KMT2B: variants seen among roughly 807,000 people sequenced by gnomAD.
The protein encoded by KMT2B is lysine methyltransferase 2B, also known as histone-lysine N-methyltransferase 2B.
In KMT2B, 22 loss-of-function variants were observed where a neutral mutation model predicts 255.3. The observed-to-expected ratio is 0.09, with a 90% confidence interval of 0.06 to 0.12. The LOEUF is 0.12. Among genes scored for constraint, KMT2B ranks in the 10% least tolerant of loss-of-function variants. KMT2B has a pLI of 1.00. For synonymous variants in KMT2B, 1,730 were observed against 1,498.1 expected (o/e 1.15, Z -3.57); for missense variants, 3,149 against 3,737.0 (o/e 0.84, Z 4.10).
intron 8 of KMT2B, 103 bp from the exon 9 acceptor site, chr19:35,724,534 G>T: frequency 2.1e-6 from 2 of 944,178 alleles, no homozygotes; most frequent in Non-Finnish European, 1.7e-6. Context: ...GGCGGGTCTT[G>T]GTTAGTTAAA....
chr19:35,733,303 G>GGCCCCCC lies in KMT2B; in HGVS notation c.6754_6755insGCCCCCC (p.Ala2252GlyfsTer53). Reference sequence around the variant, plus strand: ...GCCCGTGGTCGGAGTGGTCCGCCCTGCCCCGCCCCCGCCACCCCCTCCCCT... The same window carrying GGCCCCCC: ...GCCCGTGGTCGGAGTGGTCCGCCCTGGCCCCCCCCCCGCCCCCGCCACCCCCTCCCCT... On this transcript the variant is annotated frameshift_variant, in exon 28 of 37. Transcript: ENST00000420124. LOFTEE classifies it high-confidence loss of function. The surrounding 1 kb of genome is among the most constrained non-coding windows in gnomAD (Gnocchi z 4.3). The GGCCCCCC allele has an allele frequency of 8.7e-5, 117 of 1,340,002 alleles. No homozygotes were observed. Among genetic ancestry groups the GGCCCCCC allele is most frequent in the Non-Finnish European group, 1.1e-4 (101 of 961,176 alleles). 83.0% of individuals were successfully genotyped at this position (1,340,002 alleles called of 1,614,324 possible).
chr19:35,732,436 C>T lies in KMT2B; in HGVS notation c.5887C>T (p.Pro1963Ser). Residue 1963 changes from proline to serine, a missense_variant, in exon 28 of 37, where the codon CCG becomes TCG. Pro to Ser is a moderately conservative substitution (Grantham distance 74). Transcript: ENST00000420124. ...CTCAGGGGAGCTGGCTCCCCCTGGC[C>T]CGGCCCCATCTCCACCACCCCCTGA... The part of the protein sequence containing the change: ...PTSGELAPPG[P>S]APSPPPPEDL... 6.2e-7 allele frequency: 1 copy of T among 1,613,836 alleles called. No individual in the cohort carries two copies. The highest frequency in any genetic ancestry group is 1.7e-5 in the Admixed American group (1 of 60,014).
At chr19:35,735,966 T>TA (rs1173240043) in intron 30 of KMT2B, 3 of 152,460 alleles carry the variant, frequency 2.0e-5, no homozygotes, top group African/African-American at 7.2e-5. Context: ...TGTGAGCCTA[T>TA]ATAATAATAT....
Position 35,727,422 on chromosome 19 carries a change from C to A in KMT2B, c.4118-16C>A. 1 of 1,613,178 alleles carries A rather than the reference C, an allele frequency of 6.2e-7. No homozygotes were observed. On this transcript the variant is annotated splice_polypyrimidine_tract_variant and intron_variant, in intron 15 of 36. Coordinates refer to ENST00000420124, the MANE Select transcript of KMT2B (RefSeq NM_014727.3). This position sits in a 1 kb window ranked among gnomAD's most constrained non-coding sequence, Gnocchi z 4.2. ...CCTCTGAAACCACTTTTCCCTTTCC[C>A]ACTTGGCTATCCTAGATGAAGACTA...
In KMT2B at chr19:35,721,643, C is replaced by A; in HGVS notation, c.2296C>A (p.Pro766Thr). The A allele has an allele frequency of 1.2e-6, 2 of 1,613,572 alleles. No homozygotes were observed. Among genetic ancestry groups the A allele is most frequent in the Non-Finnish European group, 1.7e-6 (2 of 1,179,736 alleles). ...PQPQLQPPPSPQQMPPLEKAR... is the reference protein window; with the variant it reads ...PQPQLQPPPSTQQMPPLEKAR... ...GCCACAGCTGCAGCCACCGCCGTCA[C>A]CACAGCAGATGCCTCCCCTGGAAAA... The change falls in exon 3 of 37, where the codon CCA becomes ACA. Residue 766 changes from proline (P) to threonine (T), a missense_variant. Coordinates refer to ENST00000420124, the MANE Select transcript of KMT2B (RefSeq NM_014727.3).
chr19:35,721,710 T>C lies in KMT2B; in HGVS notation c.2363T>C (p.Val788Ala). The C allele has an allele frequency of 6.2e-7, 1 of 1,610,308 alleles. No homozygotes were observed. The highest frequency in any genetic ancestry group is 2.2e-5 in the East Asian group (1 of 44,688). Reference protein sequence around the residue: ...AGVGSLPLSGVEEKMFSLLKR... With the variant: ...AGVGSLPLSGAEEKMFSLLKR... The stretch of plus-strand genomic sequence containing the variant: ...GTGGGTTCCTTGCCGCTGTCTGGGG[T>C]AGAGGAGAAGATGTTCAGCCTCCTC... The change falls in exon 3 of 37, where the codon GTA becomes GCA. Residue 788 changes from valine to alanine, a missense_variant. Val to Ala is a moderately conservative substitution (Grantham distance 64). Around this residue, in one of 18 missense-constraint regions of KMT2B, gnomAD observed 1,188 missense variants for 1,106.4 expected, o/e 1.07. Transcript: ENST00000420124.
chr19:35,730,956 C>G (rs1448404720), intron 26 of KMT2B, 89 bp downstream of exon 26: 1 of 1,393,976 alleles, frequency 7.2e-7, no homozygotes, highest in Non-Finnish European at 9.5e-7. Context: ...TTGGAAAGTC[C>G]AGGAGGCTTG....
In KMT2B at chr19:35,727,960, G is replaced by T; in HGVS notation, c.4472G>T (p.Gly1491Val). 6.3e-7 allele frequency: 1 copy of T among 1,578,612 alleles called. No individual in the cohort carries two copies. Among genetic ancestry groups the T allele is most frequent in the Non-Finnish European group, 8.6e-7 (1 of 1,160,542 alleles). The change falls in exon 18 of 37, where the codon GGC (glycine) becomes GTC (valine). Residue 1491 changes from glycine to valine, a missense_variant. Physicochemically the swap from Gly to Val is moderately radical, Grantham distance 109. Coordinates refer to ENST00000420124, the MANE Select transcript of KMT2B (RefSeq NM_014727.3). This position sits in a 1 kb window ranked among gnomAD's most constrained non-coding sequence, Gnocchi z 4.2. ...EGETPDRRAGGQMKGLLLKLL... is the reference protein window; with the variant it reads ...EGETPDRRAGVQMKGLLLKLL... ...GAGACCCCGGACCGCCGGGCTGGAG[G>T]CCAGATGAAGGGGCTCCTGCTGAAG...
At position 35,720,311 on chromosome 19, in the gene KMT2B, G is replaced by A; in HGVS notation, c.964G>A (p.Gly322Arg). 1 of 1,613,158 alleles carries A rather than the reference G, an allele frequency of 6.2e-7. No homozygotes were observed. Among genetic ancestry groups the A allele is most frequent in the Non-Finnish European group, 8.5e-7 (1 of 1,179,628 alleles). Residue 322 changes from glycine (G) to arginine (R), a missense_variant, in exon 3 of 37, where the codon GGA becomes AGA. Gly to Arg is a moderately radical substitution (Grantham distance 125, BLOSUM62 -2). Around this residue, in one of 18 missense-constraint regions of KMT2B, gnomAD observed 1,188 missense variants for 1,106.4 expected, o/e 1.07. Coordinates refer to ENST00000420124, the MANE Select transcript of KMT2B (RefSeq NM_014727.3). ...KKVKMGQLSL[G>R]LESGQGQGQH... The stretch of plus-strand genomic sequence containing the variant: ...AGTAAAGATGGGACAATTGTCCTTG[G>A]GACTCGAATCAGGTCAAGGTCAAGG...
At position 35,732,648 on chromosome 19, in the gene KMT2B, C is replaced by T. The variant is rs972189316; in HGVS notation, c.6099C>T (p.Arg2033=). The change falls in exon 28 of 37, where the codon CGC becomes CGT. Residue 2033 remains arginine (R), a synonymous_variant. Coordinates refer to ENST00000420124, the MANE Select transcript of KMT2B (RefSeq NM_014727.3). ...AGGAGGAGTCCAGCCCCACCTCCCGCTACATCCACTTCCCTGTGACTGTGG... is the reference window on the plus strand; with the variant it reads ...AGGAGGAGTCCAGCCCCACCTCCCGTTACATCCACTTCCCTGTGACTGTGG... ...SSEEESSPTS[R]YIHFPVTVVS... is the part of the protein sequence containing the mutation. The T allele has an allele frequency of 3.7e-6, 6 of 1,610,512 alleles. No homozygotes were observed. In the East Asian group the frequency reaches 8.9e-5, roughly 24 times the overall value.
rs1599669602 is a variant in KMT2B at position 35,720,477 on chromosome 19, A to C, written c.1130A>C (p.Glu377Ala). The C allele has an allele frequency of 6.4e-7, 1 of 1,551,560 alleles. No homozygotes were observed. The highest frequency in any genetic ancestry group is 2.4e-5 in the East Asian group (1 of 40,922). Residue 377 changes from glutamate (E) to alanine (A), a missense_variant, in exon 3 of 37, where the codon GAG becomes GCG. This residue lies in a region of KMT2B where 1,188 missense variants were observed against 1,106.4 expected (regional missense o/e 1.07). Coordinates refer to ENST00000420124, the MANE Select transcript of KMT2B (RefSeq NM_014727.3). ...AAAGAAGAAGAAGAAAAAGACAAGG[A>C]GGGAGAAGAGAAGGAAGAAAGAGCT... is the stretch of plus-strand genomic sequence containing the variant. Reference protein sequence around the residue: ...EKKEEEEKDKEGEEKEERAVA... With the variant: ...EKKEEEEKDKAGEEKEERAVA...
intron 30 of KMT2B, among the ~76,000 whole-genome samples, chr19:35,735,006 C>T (rs988651208): frequency 4.6e-5 from 7 of 152,142 alleles, no homozygotes; most frequent in African/African-American, 1.7e-4. Context: ...GTGCGGGACA[C>T]AGACATGTTA....
Position 35,737,198 on chromosome 19 carries a change from G to T in KMT2B, c.7485G>T (p.Gln2495His). ...CQHYKFRYHQ[Q>H]GEGQEEPPLN... Reference sequence around the variant, plus strand: ...ACTATAAGTTCCGTTACCACCAGCAGGGAGAGGGCCAGGAGGAGCCGCCCC... The same window carrying T: ...ACTATAAGTTCCGTTACCACCAGCATGGAGAGGGCCAGGAGGAGCCGCCCC... The change falls in exon 33 of 37, where the codon CAG (glutamine) becomes CAT (histidine). Residue 2495 changes from glutamine to histidine, a missense_variant. Around this residue, in one of 18 missense-constraint regions of KMT2B, gnomAD observed 103 missense variants for 200.7 expected, o/e 0.51. Transcript: ENST00000420124. The surrounding 1 kb of genome is among the most constrained non-coding windows in gnomAD (Gnocchi z 5.3). 2 of 1,596,728 alleles carry T rather than the reference G, an allele frequency of 1.3e-6. No homozygotes were observed. The highest frequency in any genetic ancestry group is 1.7e-6 in the Non-Finnish European group (2 of 1,171,954).
rs777155217 is a variant in KMT2B at position 35,736,809 on chromosome 19, G to A, written c.7279G>A (p.Glu2427Lys). The part of the protein sequence containing the change: ...EISSEDGFSV[E>K]AESLEGAWRT... ...CAGCAGTGAGGATGGGTTCAGCGTT[G>A]AGGCAGAGAGCTTGGAGGGTGAGTG... Residue 2427 changes from glutamate to lysine, a missense_variant, in exon 31 of 37, where the codon GAG becomes AAG. Around this residue, in one of 18 missense-constraint regions of KMT2B, gnomAD observed 103 missense variants for 200.7 expected, o/e 0.51. Transcript: ENST00000420124. 3 of 1,614,030 alleles carry A rather than the reference G, an allele frequency of 1.9e-6. No individual in the cohort carries two copies. The highest frequency in any genetic ancestry group is 2.5e-6 in the Non-Finnish European group (3 of 1,179,888).
chr19:35,721,554 A>C lies in KMT2B; in HGVS notation c.2207A>C (p.Gln736Pro), dbSNP rs1378231572. Residue 736 changes from glutamine to proline, a missense_variant, in exon 3 of 37, where the codon CAG (glutamine) becomes CCG (proline). Around this residue, in one of 18 missense-constraint regions of KMT2B, gnomAD observed 1,188 missense variants for 1,106.4 expected, o/e 1.07. Transcript: ENST00000420124. ...ALSNGPQTQA[Q>P]LLQPLQALQT... ...AGCAACGGGCCACAGACACAGGCTC[A>C]GCTACTGCAGCCCCTGCAGGCCTTG... 1 of 1,611,674 alleles carries C rather than the reference A, an allele frequency of 6.2e-7. No individual in the cohort carries two copies. The highest frequency in any genetic ancestry group is 1.7e-5 in the Admixed American group (1 of 60,020).
chr19:35,733,623 C>T lies in KMT2B; in HGVS notation c.6986C>T (p.Pro2329Leu), dbSNP rs1421783457. The T allele has an allele frequency of 6.3e-7, 1 of 1,591,174 alleles. No homozygotes were observed. Among genetic ancestry groups the T allele is most frequent in the African/African-American group, 1.3e-5 (1 of 74,582 alleles). ...TTTAGCCGTGTGAGGATGAAAACCC[C>T]CACAGTGCGTGGGGTCCTTGACCTG... ...GGFSRVRMKT[P>L]TVRGVLDLDR... Residue 2329 changes from proline to leucine, a missense_variant, in exon 29 of 37, where the codon CCC becomes CTC. By Grantham distance (98) the Pro-to-Leu change is moderately conservative. Transcript: ENST00000420124. The surrounding 1 kb of genome is among the most constrained non-coding windows in gnomAD (Gnocchi z 4.3).
chr19:35,732,613 G>C lies in KMT2B; in HGVS notation c.6064G>C (p.Asp2022His). 3 of 1,612,486 alleles carry C rather than the reference G, an allele frequency of 1.9e-6. No homozygotes were observed. Among genetic ancestry groups the C allele is most frequent in the Non-Finnish European group, 2.5e-6 (3 of 1,179,442 alleles). The change falls in exon 28 of 37, where the codon GAC (aspartate) becomes CAC (histidine). Residue 2022 changes from aspartate (D) to histidine (H), a missense_variant. Physicochemically the swap from Asp to His is moderately conservative, Grantham distance 81. Around this residue, in one of 18 missense-constraint regions of KMT2B, gnomAD observed 897 missense variants for 825.3 expected, o/e 1.09. Coordinates refer to ENST00000420124, the MANE Select transcript of KMT2B (RefSeq NM_014727.3). ...AMGSSHGGPG[D>H]SSEEESSPTS... ...GGGGAGCAGCCACGGGGGCCCGGGGGACAGCTCCGAGGAGGAGTCCAGCCC... is the reference window on the plus strand; with the variant it reads ...GGGGAGCAGCCACGGGGGCCCGGGGCACAGCTCCGAGGAGGAGTCCAGCCC...
Position 35,730,272 on chromosome 19 carries a change from T to C in KMT2B, c.5077-70T>C, listed in dbSNP as rs879116747. 7 of 1,602,864 alleles carry C rather than the reference T, an allele frequency of 4.4e-6. No homozygotes were observed. The South Asian group carries it at 6.6e-5, about 15-fold the overall frequency. On this transcript the variant is annotated intron_variant, in intron 23 of 36. Coordinates refer to ENST00000420124, the MANE Select transcript of KMT2B (RefSeq NM_014727.3). ...GAGGCCTTTAGGCCAAGCCCCTGAC[T>C]GTTCAGACTTCCCTGGCATCCACCT...
rs777040543 is a variant in KMT2B, at chr19:35,718,340, G to T, written c.322G>T (p.Val108Leu). 1.6e-6 allele frequency: 2 copies of T among 1,259,648 alleles called. No individual in the cohort carries two copies. Among genetic ancestry groups the T allele is most frequent in the African/African-American group, 3.1e-5 (2 of 65,010 alleles). 78.0% of individuals were successfully genotyped at this position (1,259,648 alleles called of 1,614,324 possible). A position where few individuals can be genotyped will look rare whatever the true frequency, so the allele number is the denominator to read the frequency against. ...GRGWGPSRGC[V>L]PEEESSDGES... ...GGGCTGGGGCCCGAGTCGAGGCTGC[G>T]TGCCGGAGGAGGAGAGCAGTGACGG... is the stretch of plus-strand genomic sequence containing the variant. Residue 108 changes from valine (V) to leucine (L), a missense_variant, in exon 1 of 37, where the codon GTG becomes TTG. Physicochemically the swap from Val to Leu is conservative, Grantham distance 32 (BLOSUM62 1). Coordinates refer to ENST00000420124, the MANE Select transcript of KMT2B (RefSeq NM_014727.3). The surrounding 1 kb of genome is among the most constrained non-coding windows in gnomAD (Gnocchi z 5.0).
Sources: allele counts gnomAD v4.1 joint callset (sites outside exome capture counted in the v4.1 genomes callset), GRCh38; gene constraint gnomAD v4.1.1; regional missense constraint gnomAD v4.1.1; non-coding constraint Gnocchi (gnomAD v3.1); transcripts MANE v1.5; gene names NCBI Gene and HGNC (gene_info 2026-07-23, HGNC 2026-07-21).